DOCK8: variants seen among roughly 807,000 people sequenced by gnomAD.
DOCK8 encodes the protein dedicator of cytokinesis protein 8.
DOCK8 carries 141 observed loss-of-function variants against 245.6 expected under a neutral mutation model. The ratio of observed to expected loss-of-function variants is 0.57; its 90% confidence interval spans 0.50 to 0.66. The LOEUF is 0.66. Among genes scored for constraint, DOCK8 ranks in the 30% least tolerant of loss-of-function variants. The pLI, the probability that DOCK8 is intolerant of heterozygous loss-of-function variation, is 0.00. For missense variants in DOCK8, 2,965 were observed against 2,603.4 expected (o/e 1.14, Z -3.02); for synonymous variants, 1,168 against 970.2 (o/e 1.20, Z -3.79).
intron 24 of DOCK8, among the ~76,000 whole-genome samples, chr9:396,293 G>A (rs10973952): frequency 0.35 from 53,395 of 152,032 alleles, 12,468 homozygotes; most frequent in African/African-American, 0.67. Context: ...GTGCTCCCTC[G>A]AGAAACACTG....
intron 4 of DOCK8, among the ~76,000 whole-genome samples, 154 bp downstream of exon 4, chr9:289,735 A>G (rs2048963281): frequency 6.6e-6 from 1 of 152,194 alleles, no homozygotes; most frequent in South Asian, 2.1e-4. Flanking sequence ...CCCACTCCAT[A>G]TCACACACAC....
chr9:446,837 C>A (rs1392125690), intron 44 of DOCK8, among the ~76,000 whole-genome samples: 1 of 151,622 alleles, frequency 6.6e-6, no homozygotes, highest in Non-Finnish European at 1.5e-5. Context: ...AAAGTTATAT[C>A]TTTAGTATAA....
chr9:249,571 T>TA (rs2047598646), intron 1 of DOCK8, among the ~76,000 whole-genome samples: 1 of 152,210 alleles, frequency 6.6e-6, no homozygotes, highest in South Asian at 2.1e-4. Context: ...CTATTACTCT[T>TA]AATAGTTTAG....
At chr9:421,669 G>A (rs182986672) in intron 32 of DOCK8, among the ~76,000 whole-genome samples, 26 of 152,292 alleles carry the variant, frequency 1.7e-4, no homozygotes, top group African/African-American at 5.8e-4. Flanking sequence ...TATTGTATTC[G>A]AAGGGACACA....
At chr9:300,145 C>A (rs569337529) in intron 4 of DOCK8, among the ~76,000 whole-genome samples, 5 of 152,206 alleles carry the variant, frequency 3.3e-5, no homozygotes, top group South Asian at 2.1e-4. Context: ...TGTTTGTCTT[C>A]AGAACACAAT....
At chr9:294,683 A>G (rs956679895) in intron 4 of DOCK8, among the ~76,000 whole-genome samples, 8 of 152,376 alleles carry the variant, frequency 5.3e-5, no homozygotes, top group East Asian at 1.9e-4. Context: ...CCAAGACTGC[A>G]TAGCAGTTTT....
intron 13 of DOCK8, 108 bp downstream of exon 13, chr9:339,207 A>G (rs1191509281): frequency 2.0e-6 from 2 of 989,182 alleles, no homozygotes; most frequent in Non-Finnish European, 3.1e-6. Flanking sequence ...GCCAAGTGAA[A>G]TGTGAGATTT....
rs373018701 is a variant in DOCK8, at chr9:379,924, T to C, written c.2594T>C (p.Val865Ala). Reference protein sequence around the residue: ...VFRLPEVQRDVPKSGAPTALL... With the variant: ...VFRLPEVQRDAPKSGAPTALL... ...CGCCTGCCAGAGGTGCAAAGGGATG[T>C]GCCCAAGTCAGGTAGAGTTGCCCTG... The change falls in exon 21 of 48, where the codon GTG (valine) becomes GCG (alanine). Residue 865 changes from valine to alanine, a missense_variant. By Grantham distance (64) the Val-to-Ala change is moderately conservative. Transcript: ENST00000432829. 208 of 1,613,920 alleles carry C rather than the reference T, an allele frequency of 1.3e-4. 2 individuals carry two copies. Among genetic ancestry groups the C allele is most frequent in the South Asian group, 1.2e-3 (105 of 91,030 alleles).
intron 12 of DOCK8, among the ~76,000 whole-genome samples, chr9:338,350 A>G (rs1272234567): frequency 2.0e-5 from 3 of 152,202 alleles, no homozygotes; most frequent in African/African-American, 7.2e-5. Context: ...GCACCGTGCC[A>G]CATCATAGAA....
At chr9:301,199 A>G (rs2049529602) in intron 4 of DOCK8, among the ~76,000 whole-genome samples, 1 of 152,238 alleles carries the variant, frequency 6.6e-6, no homozygotes, top group African/African-American at 2.4e-5. Context: ...ACACAAATCA[A>G]TAAATGAGAC....
chr9:326,870 C>T (rs2050787623), intron 8 of DOCK8, among the ~76,000 whole-genome samples: 1 of 152,158 alleles, frequency 6.6e-6, no homozygotes, highest in South Asian at 2.1e-4. Context: ...CCCCTCATTG[C>T]AAAGGAGGCT....
chr9:446,653 G>A (rs796652933), intron 44 of DOCK8, 47 bp downstream of exon 44: 1 of 1,583,864 alleles, frequency 6.3e-7, no homozygotes, highest in South Asian at 1.1e-5. Context: ...TGGGCTGGGT[G>A]GCCTCCCAGG....
At chr9:454,773 A>G (rs974873517) in intron 46 of DOCK8, among the ~76,000 whole-genome samples, 1 of 152,182 alleles carries the variant, frequency 6.6e-6, no homozygotes, top group Non-Finnish European at 1.5e-5. Context: ...TCTCACGGGT[A>G]TGATCCTTTC....
chr9:436,759 T>G (rs938512553), intron 39 of DOCK8, among the ~76,000 whole-genome samples: 2 of 152,260 alleles, frequency 1.3e-5, no homozygotes, highest in African/African-American at 2.4e-5. Context: ...CATTGATTCC[T>G]TCTTTTAGAG....
Position 370,370 on chromosome 9 carries a change from G to A in DOCK8, c.1868+70G>A, listed in dbSNP as rs11515377. The stretch of plus-strand genomic sequence containing the variant: ...TCATCTCCTGGTTTTTCCAAGTCCC[G>A]TGGGTGGTTCCTCCTAACTATTTTT... On this transcript the variant is annotated intron_variant, in intron 16 of 47. Transcript: ENST00000432829. The A allele has an allele frequency of 1.0e-3, 1,474 of 1,422,072 alleles. 23 individuals are homozygous for A. The East Asian group carries it at 0.029, about 28-fold the overall frequency. 88.1% of individuals were successfully genotyped at this position (1,422,072 alleles called of 1,614,324 possible).
In DOCK8 at chr9:328,941, C is replaced by CTTTTTTTTTTTTTTTTTTTTTTT. The variant is rs1165346763; in HGVS notation, c.1044+774_1044+796dup. On this transcript the variant is annotated intron_variant, in intron 9 of 47. Coordinates refer to ENST00000432829, the MANE Select transcript of DOCK8 (RefSeq NM_203447.4). ...GGCCAGATAATTGGTCTTATTGATTCTTTTTTTTTTTTTTTTTTTTTTTTT... is the reference window on the plus strand; with the variant it reads ...GGCCAGATAATTGGTCTTATTGATTCTTTTTTTTTTTTTTTTTTTTTTTTTTTTTTTTTTTTTTTTTTTTTTTT... Among the ~76,000 whole-genome samples the CTTTTTTTTTTTTTTTTTTTTTTT allele has an allele frequency of 7.0e-5, 5 of 71,402 alleles. 1 individual carries two copies. Among genetic ancestry groups the CTTTTTTTTTTTTTTTTTTTTTTT allele is most frequent in the African/African-American group, 1.1e-4 (2 of 17,480 alleles). 46.8% of individuals were successfully genotyped at this position (71,402 alleles called of 152,430 possible).
chr9:363,544 A>C (rs576530619), intron 14 of DOCK8, among the ~76,000 whole-genome samples: 1 of 152,242 alleles, frequency 6.6e-6, no homozygotes, highest in Non-Finnish European at 1.5e-5. Flanking sequence ...CAGATTTAAC[A>C]AAACATATTA....
chr9:295,401 A>G (rs947668914), intron 4 of DOCK8, among the ~76,000 whole-genome samples: 8 of 152,176 alleles, frequency 5.3e-5, no homozygotes, highest in African/African-American at 1.7e-4. Flanking sequence ...AATCAATTCC[A>G]GTTATCCCAA....
intron 14 of DOCK8, among the ~76,000 whole-genome samples, chr9:352,998 T>C (rs953009235): frequency 6.6e-6 from 1 of 152,170 alleles, no homozygotes; most frequent in Non-Finnish European, 1.5e-5. Context: ...ATAATGTTGA[T>C]GCATTCACCT....
Sources: allele counts gnomAD v4.1 joint callset (sites outside exome capture counted in the v4.1 genomes callset), GRCh38; gene constraint gnomAD v4.1.1; transcripts MANE v1.5; gene names NCBI Gene and HGNC (gene_info 2026-07-23, HGNC 2026-07-21).